CEP63: variants seen among roughly 807,000 people sequenced by gnomAD.
CEP63 encodes centrosomal protein of 63 kDa.
In CEP63, 84 loss-of-function variants were observed where a neutral mutation model predicts 89.1. The observed-to-expected ratio is 0.94, with a 90% CI of 0.79 to 1.13. The LOEUF (loss-of-function observed/expected upper bound fraction) is 1.13, where lower values mean the gene tolerates loss of function less well. CEP63 is among the 50% of genes most tolerant of loss of function. The probability of loss-of-function intolerance (pLI) is 0.00; values close to 1 mark genes in which losing one functional copy is unlikely to be tolerated. For synonymous variants in CEP63, 267 were observed against 272.5 expected (o/e 0.98, Z 0.20); for missense variants, 838 against 813.3 (o/e 1.03, Z -0.37).
chr3:134,608,354 C>G, the CEP63 span: 1 of 1,329,122 alleles, frequency 7.5e-7, no homozygotes, highest in Middle Eastern at 2.2e-4. Context: ...GTGTGTTCAG[C>G]CTTCAAGTTC....
At chr3:134,551,775 A>ATATATGTATATATATATATAAATATG (rs1397384189) in intron 11 of CEP63, 151 bp from the exon 12 acceptor site, 4 of 192,100 alleles carry the variant, frequency 2.1e-5, no homozygotes, top group Admixed American at 6.2e-5. Flanking sequence ...ACGTACATAT[A>ATATATGTATATATATATATAAATATG]TATATGTATA....
the CEP63 span, among the ~76,000 whole-genome samples, chr3:134,642,379 G>A: frequency 2.0e-5 from 3 of 152,172 alleles, no homozygotes; most frequent in African/African-American, 7.2e-5. Context: ...GAACTCTTAT[G>A]GCTGAGCCTG....
the CEP63 span, among the ~76,000 whole-genome samples, chr3:134,694,070 G>A: frequency 6.6e-6 from 1 of 152,182 alleles, no homozygotes; most frequent in African/African-American, 2.4e-5. Context: ...CTGTCCTCTG[G>A]CCCCATTTCA....
At chr3:134,720,445 G>A in the CEP63 span, among the ~76,000 whole-genome samples, 3 of 151,986 alleles carry the variant, frequency 2.0e-5, no homozygotes, top group Non-Finnish European at 2.9e-5. Flanking sequence ...GTCCTTTGAA[G>A]CACAAAAGGT....
At chr3:134,624,328 T>C in the CEP63 span, among the ~76,000 whole-genome samples, 7 of 152,358 alleles carry the variant, frequency 4.6e-5, no homozygotes, top group South Asian at 1.2e-3. Flanking sequence ...CCTCAACTTA[T>C]GTCTTTGCTT....
chr3:134,537,477 C>G (rs1042411151), intron 6 of CEP63, among the ~76,000 whole-genome samples: 7 of 152,146 alleles, frequency 4.6e-5, no homozygotes, highest in African/African-American at 1.4e-4. Context: ...CTCTCCTGTC[C>G]AGGCTCATGT....
At chr3:134,697,689 C>T in the CEP63 span, among the ~76,000 whole-genome samples, 14 of 152,290 alleles carry the variant, frequency 9.2e-5, no homozygotes, top group African/African-American at 2.4e-4. Context: ...AGCTTATGGG[C>T]GGCAGATTTG....
the CEP63 span, among the ~76,000 whole-genome samples, chr3:134,703,118 A>G: frequency 6.6e-6 from 1 of 151,918 alleles, no homozygotes; most frequent in Non-Finnish European, 1.5e-5. Context: ...ACACAGTGAA[A>G]CCCCATCTCT....
At chr3:134,682,043 G>A in the CEP63 span, among the ~76,000 whole-genome samples, 1 of 152,224 alleles carries the variant, frequency 6.6e-6, no homozygotes, top group Non-Finnish European at 1.5e-5. Flanking sequence ...TCTGCAGGCA[G>A]AGAGCAACCA....
In CEP63 at chr3:134,546,177, A is replaced by AGGC; in HGVS notation, c.819_821dup (p.Ala275dup). 1 of 1,613,944 alleles carries AGGC rather than the reference A, an allele frequency of 6.2e-7. No homozygotes were observed. Among genetic ancestry groups the AGGC allele is most frequent in the South Asian group, 1.1e-5 (1 of 91,046 alleles). On this transcript the variant is annotated inframe_insertion, in exon 8 of 15. Transcript: ENST00000675561. ...CTGCAGGAAGAAAAGAGAGAATTGA[A>AGGC]GGCAGCTCTTCAGTCTCAAGAAAAT...
chr3:134,634,297 C>A, the CEP63 span, among the ~76,000 whole-genome samples: 3 of 151,182 alleles, frequency 2.0e-5, no homozygotes, highest in African/African-American at 7.3e-5. Context: ...AATAACTAAA[C>A]TAATTTTGAA....
chr3:134,509,981 A>G (rs761526129), intron 3 of CEP63, among the ~76,000 whole-genome samples: 15 of 152,228 alleles, frequency 9.9e-5, no homozygotes, highest in African/African-American at 1.4e-4. Flanking sequence ...GAATCAAACT[A>G]TAGAAGTCTC....
intron 3 of CEP63, among the ~76,000 whole-genome samples, chr3:134,527,394 G>A (rs893994363): frequency 7.2e-5 from 11 of 152,084 alleles, no homozygotes; most frequent in African/African-American, 2.2e-4. Flanking sequence ...TCACTCCTGC[G>A]GCAGTGTTGG....
the CEP63 span, among the ~76,000 whole-genome samples, chr3:134,763,395 A>G: frequency 1.3e-5 from 2 of 152,158 alleles, no homozygotes; most frequent in African/African-American, 2.4e-5. Flanking sequence ...GGGCTATGTT[A>G]CGGAATGTCG....
At chr3:134,617,740 A>G in the CEP63 span, among the ~76,000 whole-genome samples, 1 of 152,168 alleles carries the variant, frequency 6.6e-6, no homozygotes, top group Non-Finnish European at 1.5e-5. Context: ...AGGAAGGGGA[A>G]GGTTGTGGGC....
chr3:134,572,769 C>A (rs892601959), intron 11 of CEP63, among the ~76,000 whole-genome samples: 1 of 152,104 alleles, frequency 6.6e-6, no homozygotes, highest in Non-Finnish European at 1.5e-5. Flanking sequence ...TATATATATA[C>A]CTAGTAATGG....
At chr3:134,486,266 G>A (rs1935289903) in intron 1 of CEP63, 64 bp downstream of exon 1, 1 of 985,480 alleles carries the variant, frequency 1.0e-6, no homozygotes, top group South Asian at 4.7e-5. Context: ...GCGCAAGTTG[G>A]AGGGGCAAGG....
At chr3:134,714,915 G>C in the CEP63 span, among the ~76,000 whole-genome samples, 1 of 152,290 alleles carries the variant, frequency 6.6e-6, no homozygotes, top group Non-Finnish European at 1.5e-5. Flanking sequence ...ATAAGACAAC[G>C]GGCTAAATGC....
At chr3:134,643,429 C>A in the CEP63 span, 1 of 1,524,020 alleles carries the variant, frequency 6.6e-7, no homozygotes, top group Non-Finnish European at 9.1e-7. Flanking sequence ...GAATTTTCCC[C>A]AGGCAGAGCA....
Sources: allele counts gnomAD v4.1 joint callset (sites outside exome capture counted in the v4.1 genomes callset), GRCh38; gene constraint gnomAD v4.1.1; transcripts MANE v1.5; gene names NCBI Gene and HGNC (gene_info 2026-07-23, HGNC 2026-07-21).